The following SIPA1L1 variants were observed in gnomAD, a reference collection of about 807,000 sequenced individuals.
SIPA1L1 encodes signal-induced proliferation-associated 1-like protein 1.
A neutral mutation model predicts 162.7 loss-of-function variants in SIPA1L1; 26 were observed. The observed-to-expected ratio is 0.16, with a 90% CI of 0.12 to 0.22. The LOEUF (loss-of-function observed/expected upper bound fraction) is 0.22. Ranked by LOEUF, SIPA1L1 falls within the 10% of genes least tolerant of loss-of-function variation. The pLI is 1.00. For synonymous variants in SIPA1L1, 829 were observed against 837.4 expected (o/e 0.99, Z 0.17); for missense variants, 1,874 against 2,241.0 (o/e 0.84, Z 3.31).
Position 71,609,438 on chromosome 14 carries a change from TTTTATTTATTTATTTATTTA to T in SIPA1L1, c.1499-9292_1499-9273del, listed in dbSNP as rs57449706. Among the ~76,000 whole-genome samples, 12 of 140,184 alleles carry T rather than the reference TTTTATTTATTTATTTATTTA, an allele frequency of 8.6e-5. No individual in the cohort carries two copies. In the East Asian group the frequency reaches 1.5e-3, roughly 18 times the overall value. The allele number at this position is 140,184 out of a possible 152,430, so 92.0% of individuals were successfully genotyped here. ...TGTGCACCACTGTGCCCAGCTAATA[TTTTATTTATTTATTTATTTA>T]TTTATTTATTTATTTATTTATTTAT... On this transcript the variant is annotated intron_variant, in intron 5 of 23. Coordinates refer to ENST00000381232, the MANE Select transcript of SIPA1L1 (RefSeq NM_001386936.1).
intron 10 of SIPA1L1, among the ~76,000 whole-genome samples, chr14:71,665,025 A>T (rs2043869697): frequency 6.6e-6 from 1 of 152,218 alleles, no homozygotes. Flanking sequence ...TGCAGAAAAG[A>T]TGACCAGGCA....
chr14:71,527,959 C>G (rs991641961), intron 3 of SIPA1L1, among the ~76,000 whole-genome samples: 31 of 152,184 alleles, frequency 2.0e-4, no homozygotes, highest in African/African-American at 7.5e-4. Context: ...ACAATCTCAG[C>G]TCACTGCAAG....
intron 2 of SIPA1L1, among the ~76,000 whole-genome samples, chr14:71,355,729 A>G (rs185666634): frequency 6.6e-6 from 1 of 152,306 alleles, no homozygotes; most frequent in East Asian, 1.9e-4. Context: ...CATATAAGGG[A>G]AGGTTCGAAG....
intron 17 of SIPA1L1, among the ~76,000 whole-genome samples, chr14:71,715,967 C>G (rs139362033): frequency 0.014 from 2,130 of 152,318 alleles, 25 homozygotes; most frequent in South Asian, 0.047. Context: ...AGCTTGTGGT[C>G]CACGGTGATC....
intron 16 of SIPA1L1, among the ~76,000 whole-genome samples, chr14:71,708,015 G>GTTTTTTTTT (rs34838057): frequency 3.0e-5 from 3 of 100,298 alleles, no homozygotes; most frequent in African/African-American, 1.2e-4. Context: ...GTTTTTTGGT[G>GTTTTTTTTT]TTTTTTTTTT....
At chr14:71,480,446 T>G (rs2048262294) in intron 2 of SIPA1L1, among the ~76,000 whole-genome samples, 1 of 148,050 alleles carries the variant, frequency 6.8e-6, no homozygotes, top group Admixed American at 6.7e-5. Context: ...TCTGTTTCTC[T>G]TAGTCTTAAA....
At chr14:71,547,276 C>T (rs2055312821) in intron 4 of SIPA1L1, among the ~76,000 whole-genome samples, 1 of 145,254 alleles carries the variant, frequency 6.9e-6, no homozygotes, top group Admixed American at 6.9e-5. Context: ...AGATTCGTCA[C>T]TTAATATGAA....
At chr14:71,681,952 G>T (rs958093988) in intron 12 of SIPA1L1, among the ~76,000 whole-genome samples, 1 of 152,234 alleles carries the variant, frequency 6.6e-6, no homozygotes, top group Non-Finnish European at 1.5e-5. Context: ...TGTAATTCCT[G>T]CTGGCCATAG....
chr14:71,737,540 G>A (rs1244554358), intron 22 of SIPA1L1, among the ~76,000 whole-genome samples: 1 of 151,968 alleles, frequency 6.6e-6, no homozygotes, highest in South Asian at 2.1e-4. Context: ...CATGCCGTCT[G>A]TCTAGCTCGC....
intron 15 of SIPA1L1, 149 bp from the exon 16 acceptor site, chr14:71,705,073 A>G (rs1216209894): frequency 3.0e-6 from 2 of 665,908 alleles, no homozygotes; most frequent in African/African-American, 3.6e-5. Context: ...CCTGCTGTCT[A>G]TCAAATAGAC....
intron 4 of SIPA1L1, among the ~76,000 whole-genome samples, chr14:71,530,173 G>C (rs1025547636): frequency 3.9e-5 from 6 of 152,172 alleles, no homozygotes; most frequent in Non-Finnish European, 8.8e-5. Flanking sequence ...GTTTCTCCCT[G>C]GGGAAATGTA....
intron 2 of SIPA1L1, among the ~76,000 whole-genome samples, chr14:71,322,807 A>C (rs923851549): frequency 1.3e-5 from 2 of 152,228 alleles, no homozygotes; most frequent in Non-Finnish European, 2.9e-5. Flanking sequence ...CTGAGTGAAC[A>C]AGTTTGGTGA....
At chr14:71,484,007 T>C (rs1219526460) in intron 2 of SIPA1L1, among the ~76,000 whole-genome samples, 1 of 152,202 alleles carries the variant, frequency 6.6e-6, no homozygotes, top group Non-Finnish European at 1.5e-5. Flanking sequence ...TCTGTTCATA[T>C]GAGGAAGCTG....
intron 21 of SIPA1L1, among the ~76,000 whole-genome samples, 168 bp from the exon 22 acceptor site, chr14:71,735,109 G>A (rs1051817964): frequency 2.6e-5 from 4 of 152,094 alleles, no homozygotes; most frequent in African/African-American, 7.2e-5. Context: ...TCCTCTTATA[G>A]CTAAAACAGT....
intron 13 of SIPA1L1, among the ~76,000 whole-genome samples, chr14:71,689,651 C>G (rs1239969841): frequency 3.3e-5 from 5 of 152,100 alleles, no homozygotes; most frequent in African/African-American, 1.2e-4. Context: ...TTCTTTTCTC[C>G]TTTTTTTAGG....
intron 4 of SIPA1L1, among the ~76,000 whole-genome samples, chr14:71,569,206 A>T (rs1221903706): frequency 6.6e-6 from 1 of 152,272 alleles, no homozygotes; most frequent in African/African-American, 2.4e-5. Context: ...GATCAACACC[A>T]TTTTTGTCAC....
intron 2 of SIPA1L1, among the ~76,000 whole-genome samples, chr14:71,408,113 C>G (rs1411706953): frequency 6.6e-6 from 1 of 152,166 alleles, no homozygotes; most frequent in Non-Finnish European, 1.5e-5. Context: ...AGTTAGAATA[C>G]AGTTATTTCT....
chr14:71,547,292 C>CTTTTTTT lies in SIPA1L1; in HGVS notation c.-303+17938_-303+17944dup, dbSNP rs753714304. 1.1e-4 allele frequency among the ~76,000 whole-genome samples: 12 copies of CTTTTTTT among 111,278 alleles called. No individual in the cohort carries two copies. In the East Asian group the frequency reaches 1.3e-3, roughly 12 times the overall value. 73.0% of individuals were successfully genotyped at this position (111,278 alleles called of 152,430 possible). ...GATTCGTCACTTAATATGAAAATAA[C>CTTTTTTT]TTTTTTTTTTTTTTTTTTTTTTGAG... On this transcript the variant is annotated intron_variant, in intron 4 of 23. Coordinates refer to ENST00000381232, the MANE Select transcript of SIPA1L1 (RefSeq NM_001386936.1).
intron 4 of SIPA1L1, among the ~76,000 whole-genome samples, chr14:71,532,707 A>G (rs1424063108): frequency 6.6e-6 from 1 of 152,208 alleles, no homozygotes; most frequent in Admixed American, 6.5e-5. Context: ...TGTTCTTTAA[A>G]AGTATTATAG....
Sources: allele counts gnomAD v4.1 joint callset (sites outside exome capture counted in the v4.1 genomes callset), GRCh38; gene constraint gnomAD v4.1.1; transcripts MANE v1.5; gene names NCBI Gene and HGNC (gene_info 2026-07-23, HGNC 2026-07-21).